Variants in CRYBG3 observed in about 807,000 individuals in gnomAD.
CRYBG3 encodes the protein very large A-kinase anchor protein.
CRYBG3 carries 127 observed loss-of-function variants against 244.2 expected under a neutral mutation model. The observed-to-expected ratio is 0.52, with a 90% CI of 0.45 to 0.60. The LOEUF is 0.60. CRYBG3 is among the 20% of genes least tolerant of loss of function. CRYBG3 has a pLI of 0.00. For synonymous variants in CRYBG3, 1,132 were observed against 1,195.8 expected, an observed-to-expected ratio of 0.95 and a Z score of 1.10; for missense variants, 3,325 against 3,442.5, an observed-to-expected ratio of 0.97 and a Z score of 0.85.
intron 2 of CRYBG3, 53 bp downstream of exon 2, chr3:97,843,314 G>C (rs957395143): frequency 3.8e-5 from 32 of 844,594 alleles, no homozygotes; most frequent in Non-Finnish European, 5.3e-5. Flanking sequence ...TTAAATTGCT[G>C]TTAATTCTTT....
In CRYBG3 at chr3:97,886,538, A is replaced by T. The variant is rs866140296; in HGVS notation, c.7153-93A>T. 6 of 851,882 alleles carry T rather than the reference A, an allele frequency of 7.0e-6. No individual in the cohort carries two copies. The Middle Eastern group carries it at 1.6e-3, about 221-fold the overall frequency. 52.8% of individuals were successfully genotyped at this position (851,882 alleles called of 1,614,324 possible). A position where few individuals can be genotyped will look rare whatever the true frequency, so the allele number is the denominator to read the frequency against. ...CTTTGTGAAGAAATTCAACTCAATA[A>T]TGAGAACAGTGTAACTGTATGTCCA... is the stretch of plus-strand genomic sequence containing the variant. On this transcript the variant is annotated intron_variant, in intron 7 of 21. Coordinates refer to ENST00000389622, the MANE Select transcript of CRYBG3 (RefSeq NM_153605.4).
chr3:97,896,808 A>G (rs1289473008), intron 12 of CRYBG3, among the ~76,000 whole-genome samples: 1 of 152,156 alleles, frequency 6.6e-6, no homozygotes, highest in East Asian at 1.9e-4. Flanking sequence ...AGCCCCCAAC[A>G]ACAAAGAATT....
intron 8 of CRYBG3, among the ~76,000 whole-genome samples, chr3:97,887,671 G>A (rs1034573571): frequency 5.9e-5 from 9 of 152,264 alleles, no homozygotes; most frequent in South Asian, 2.1e-4. Context: ...CAGGAGAATC[G>A]CTTGAACCCA....
In CRYBG3 at chr3:97,856,258, T is replaced by G. The variant is rs1185889824; in HGVS notation, c.217-7959T>G. The stretch of plus-strand genomic sequence containing the variant: ...AGCTCACCAGCGGTCAGAGTTTAAG[T>G]TTATCTCTCTTATTGCCTGAACAAT... On this transcript the variant is annotated intron_variant, in intron 2 of 21. Transcript: ENST00000389622. Among the ~76,000 whole-genome samples, 9 of 152,272 alleles carry G rather than the reference T, an allele frequency of 5.9e-5. 1 individual carries two copies. The highest frequency in any genetic ancestry group is 2.2e-4 in the African/African-American group (9 of 41,554).
In CRYBG3 at chr3:97,825,156, G is replaced by A. The variant is rs974354769; in HGVS notation, c.149+2801G>A. Among the ~76,000 whole-genome samples, 4 of 152,138 alleles carry A rather than the reference G, an allele frequency of 2.6e-5. No individual in the cohort carries two copies. In the South Asian group the frequency reaches 8.3e-4, roughly 32 times the overall value. On this transcript the variant is annotated intron_variant, in intron 1 of 21. Coordinates refer to ENST00000389622, the MANE Select transcript of CRYBG3 (RefSeq NM_153605.4). ...AAAGGAGCAGTAAGAAATTTAGGTT[G>A]GAACTGGGTTATAAAGGTCTCTAGA... is the stretch of plus-strand genomic sequence containing the variant.
At position 97,822,058 on chromosome 3, in the gene CRYBG3, C is replaced by G. The variant is rs2038506428; in HGVS notation, c.-149C>G. ...GGAGCGCGTCGCGTCCGCACTTCTCCTGCCCGAGAGAGACTGAGCCGCGCT... is the reference window on the plus strand; with the variant it reads ...GGAGCGCGTCGCGTCCGCACTTCTCGTGCCCGAGAGAGACTGAGCCGCGCT... On this transcript the variant is annotated 5_prime_UTR_variant, in exon 1 of 22. Transcript: ENST00000389622. 1.8e-6 allele frequency: 1 copy of G among 571,180 alleles called. No individual in the cohort carries two copies. The highest frequency in any genetic ancestry group is 2.7e-6 in the Non-Finnish European group (1 of 377,082). 35.4% of individuals were successfully genotyped at this position (571,180 alleles called of 1,614,324 possible).
intron 2 of CRYBG3, among the ~76,000 whole-genome samples, chr3:97,853,748 A>AT (rs1218226128): frequency 1.3e-5 from 2 of 151,932 alleles, no homozygotes; most frequent in African/African-American, 4.8e-5. Context: ...AATTATGGTC[A>AT]TTTTTTGCCA....
At chr3:97,850,003 A>G (rs1387561855) in intron 2 of CRYBG3, among the ~76,000 whole-genome samples, 2 of 152,104 alleles carry the variant, frequency 1.3e-5, no homozygotes, top group African/African-American at 4.8e-5. Flanking sequence ...AGCCCAGCAT[A>G]TATCGTGAGC....
chr3:97,829,951 C>G (rs933705028), intron 1 of CRYBG3, among the ~76,000 whole-genome samples: 1 of 151,996 alleles, frequency 6.6e-6, no homozygotes, highest in Non-Finnish European at 1.5e-5. Flanking sequence ...AGCTGTTTCT[C>G]CTGGAACATG....
chr3:97,854,944 A>G (rs190515156), intron 2 of CRYBG3, among the ~76,000 whole-genome samples: 33 of 152,190 alleles, frequency 2.2e-4, no homozygotes, highest in Non-Finnish European at 8.8e-5. Flanking sequence ...CTTAGCAGAA[A>G]AGTTTTAACT....
intron 3 of CRYBG3, among the ~76,000 whole-genome samples, chr3:97,866,739 AAGAG>A (rs1373107291): frequency 6.6e-6 from 1 of 152,210 alleles, no homozygotes; most frequent in Non-Finnish European, 1.5e-5. Flanking sequence ...GTTGATTAAA[AAGAG>A]AGAGGATACT....
intron 17 of CRYBG3, among the ~76,000 whole-genome samples, chr3:97,919,714 TA>T (rs3058034): frequency 0.06 from 7,619 of 126,970 alleles, 496 homozygotes; most frequent in African/African-American, 0.18. Context: ...ATAAAATGAT[TA>T]AAAAAAAAAA....
At chr3:97,839,368 A>G (rs895215388) in intron 1 of CRYBG3, among the ~76,000 whole-genome samples, 6 of 152,066 alleles carry the variant, frequency 3.9e-5, no homozygotes, top group Non-Finnish European at 7.4e-5. Context: ...GTTTTTGAGT[A>G]TATGTAGCTA....
intron 1 of CRYBG3, among the ~76,000 whole-genome samples, chr3:97,833,655 C>A (rs894040252): frequency 3.3e-5 from 5 of 152,000 alleles, no homozygotes; most frequent in African/African-American, 1.2e-4. Context: ...CACCATGGCA[C>A]GTGTACACCT....
chr3:97,941,129 G>T lies in CRYBG3; in HGVS notation c.8506-19G>T. ...AGATTCAAAAGTTTATTTCTAAATG[G>T]CTGTTTCTCCTGTCATAGCCTGCAG... On this transcript the variant is annotated intron_variant, in intron 19 of 21. Coordinates refer to ENST00000389622, the MANE Select transcript of CRYBG3 (RefSeq NM_153605.4). The T allele has an allele frequency of 6.3e-7, 1 of 1,576,586 alleles. No individual in the cohort carries two copies. The highest frequency in any genetic ancestry group is 8.6e-7 in the Non-Finnish European group (1 of 1,161,262).
chr3:97,836,616 G>C (rs566992832), intron 1 of CRYBG3, among the ~76,000 whole-genome samples: 14 of 152,110 alleles, frequency 9.2e-5, no homozygotes, highest in Admixed American at 2.6e-4. Flanking sequence ...ACGTGAGGCT[G>C]TGTTTCTAAG....
chr3:97,893,401 G>A (rs191550497), intron 11 of CRYBG3, among the ~76,000 whole-genome samples: 1 of 152,352 alleles, frequency 6.6e-6, no homozygotes, highest in Admixed American at 6.5e-5. Context: ...TCTGGGTTAT[G>A]TGTTTCCAAA....
chr3:97,939,648 T>G (rs1454113487), intron 19 of CRYBG3, among the ~76,000 whole-genome samples: 1 of 152,044 alleles, frequency 6.6e-6, no homozygotes, highest in Non-Finnish European at 1.5e-5. Context: ...TCTGTGAAGG[T>G]CACGCCTGTT....
At position 97,874,595 on chromosome 3, in the gene CRYBG3, G is replaced by T. The variant is rs764484817; in HGVS notation, c.3401G>T (p.Gly1134Val). 2 of 1,536,006 alleles carry T rather than the reference G, an allele frequency of 1.3e-6. No homozygotes were observed. Among genetic ancestry groups the T allele is most frequent in the Non-Finnish European group, 1.7e-6 (2 of 1,146,860 alleles). The change falls in exon 4 of 22, where the codon GGG (glycine) becomes GTG (valine). Residue 1134 changes from glycine (G) to valine (V), a missense_variant. By Grantham distance (109) the Gly-to-Val change is moderately radical (BLOSUM62 -3). Around this residue, in one of 4 missense-constraint regions of CRYBG3, gnomAD observed 1,526 missense variants for 1,443.2 expected, o/e 1.06. Coordinates refer to ENST00000389622, the MANE Select transcript of CRYBG3 (RefSeq NM_153605.4). ...PFQEHFGIYT[G>V]KISIDFPTAA... ...CAGGAACATTTTGGGATTTATACTG[G>T]GAAGATATCCATTGATTTCCCAACT...
Sources: gnomAD v4.1 joint callset for allele counts (sites outside exome capture counted in the v4.1 genomes callset) on GRCh38, gnomAD v4.1.1 for gene constraint, gnomAD v4.1.1 regional missense constraint, MANE v1.5 for transcripts, NCBI Gene and HGNC (gene_info 2026-07-23, HGNC 2026-07-21) for gene names.